RAB22A: variants seen among roughly 807,000 people sequenced by gnomAD.
The protein encoded by RAB22A is RAB22A, member RAS oncogene family.
A neutral mutation model predicts 30.2 loss-of-function variants in RAB22A; 13 were observed. That is an observed-to-expected ratio of 0.43 (90% CI 0.28 to 0.68). The LOEUF is 0.68. Ranked by LOEUF, RAB22A falls within the 30% of genes least tolerant of loss-of-function variation. RAB22A has a pLI of 0.18. For missense variants in RAB22A, 177 were observed against 246.8 expected (o/e 0.72, Z 1.89); for synonymous variants, 89 against 87.2 (o/e 1.02, Z -0.11).
intron 2 of RAB22A, among the ~76,000 whole-genome samples, chr20:58,312,472 C>CTTGTT (rs1986247617): frequency 2.6e-5 from 1 of 38,710 alleles, no homozygotes; most frequent in Non-Finnish European, 4.4e-5. Flanking sequence ...GGCTGGTTTT[C>CTTGTT]TTTTTTTTTT....
chr20:58,359,138 A>C (rs1987181590), intron 6 of RAB22A, among the ~76,000 whole-genome samples: 1 of 152,250 alleles, frequency 6.6e-6, no homozygotes, highest in African/African-American at 2.4e-5. Flanking sequence ...GTCATGAGAC[A>C]GAGGGACAAC....
rs1412813702 is a variant in RAB22A, at chr20:58,309,754, G to T, written c.-223G>T. ...GCGTCCCAAGATGGCGGCGGCGGCG[G>T]CTCCCGGAAGGCCGCGGCGGCGTCC... On this transcript the variant is annotated 5_prime_UTR_variant, in exon 1 of 7. Transcript: ENST00000244040. 1.4e-5 allele frequency: 4 copies of T among 283,076 alleles called. No individual in the cohort carries two copies. Among genetic ancestry groups the T allele is most frequent in the Non-Finnish European group, 1.9e-5 (3 of 155,912 alleles). 17.5% of individuals were successfully genotyped at this position (283,076 alleles called of 1,614,324 possible). A position where few individuals can be genotyped will look rare whatever the true frequency, so the allele number is the denominator to read the frequency against.
chr20:58,347,371 A>G (rs76617572), intron 3 of RAB22A, among the ~76,000 whole-genome samples: 3,871 of 152,344 alleles, frequency 0.025, 63 homozygotes, highest in African/African-American at 0.045. Flanking sequence ...ACTTAAATGA[A>G]GAGGAAAAAT....
chr20:58,311,553 A>G (rs1004826238), intron 2 of RAB22A, among the ~76,000 whole-genome samples: 2 of 152,256 alleles, frequency 1.3e-5, no homozygotes, highest in Non-Finnish European at 2.9e-5. Context: ...TACTGGTAGT[A>G]ATAATAAATT....
rs1335171086 is a variant in RAB22A at position 58,361,225 on chromosome 20, C to G, written c.*1522C>G. 1.3e-5 allele frequency: 2 copies of G among 152,570 alleles called. No individual in the cohort carries two copies. The highest frequency in any genetic ancestry group is 1.9e-4 in the East Asian group (1 of 5,192). The allele number at this position is 152,570 out of a possible 1,614,324, so 9.5% of individuals were successfully genotyped here. ...CAAGATTTAATAGGAAATGAAACAG[C>G]TTGAATTTCAAACTAAATTGTATTT... On this transcript the variant is annotated 3_prime_UTR_variant, in exon 7 of 7. Coordinates refer to ENST00000244040, the MANE Select transcript of RAB22A (RefSeq NM_020673.3).
intron 2 of RAB22A, among the ~76,000 whole-genome samples, chr20:58,332,797 C>T (rs1018434963): frequency 6.6e-6 from 1 of 152,016 alleles, no homozygotes; most frequent in African/African-American, 2.4e-5. Flanking sequence ...CACAACTCCA[C>T]AGTCTAGGTA....
At chr20:58,315,560 G>GC (rs1555852373) in intron 2 of RAB22A, among the ~76,000 whole-genome samples, 1 of 58,878 alleles carries the variant, frequency 1.7e-5, no homozygotes, top group East Asian at 9.6e-4. Flanking sequence ...GGAGGTTGGG[G>GC]CGGGGGGTCA....
At position 58,338,052 on chromosome 20, in the gene RAB22A, A is replaced by C. The variant is rs186777083; in HGVS notation, c.117-5666A>C. 1.7e-4 allele frequency among the ~76,000 whole-genome samples: 25 copies of C among 151,440 alleles called. No homozygotes were observed. The East Asian group carries it at 4.8e-3, about 29-fold the overall frequency. ...TTTTTTTTATTTTTTTTTGAGACGG[A>C]TCTCGCTCTTGTCGCCCAGACTGGA... On this transcript the variant is annotated intron_variant, in intron 2 of 6. Transcript: ENST00000244040.
Position 58,359,837 on chromosome 20 carries a change from G to T in RAB22A, c.*134G>T, listed in dbSNP as rs2122974996. ...CCGTGCAAAAAGGATTCACAGAAAT[G>T]GACCAGTTCTGTTCTCCAAAGACTG... is the stretch of plus-strand genomic sequence containing the variant. On this transcript the variant is annotated 3_prime_UTR_variant, in exon 7 of 7. Transcript: ENST00000244040. 1.5e-6 allele frequency: 1 copy of T among 670,030 alleles called. No individual in the cohort carries two copies. 41.5% of individuals were successfully genotyped at this position (670,030 alleles called of 1,614,324 possible). A position where few individuals can be genotyped will look rare whatever the true frequency, so the allele number is the denominator to read the frequency against.
chr20:58,321,165 T>C lies in RAB22A; in HGVS notation c.116+10043T>C, dbSNP rs187211704. Reference sequence around the variant, plus strand: ...GAGACTGCGCCACTGCCCTCCAGCCTGGTGACAGAGCAAGACTCCATCTCA... The same window carrying C: ...GAGACTGCGCCACTGCCCTCCAGCCCGGTGACAGAGCAAGACTCCATCTCA... On this transcript the variant is annotated intron_variant, in intron 2 of 6. Coordinates refer to ENST00000244040, the MANE Select transcript of RAB22A (RefSeq NM_020673.3). Among the ~76,000 whole-genome samples, 435 of 146,886 alleles carry C rather than the reference T, an allele frequency of 3.0e-3. 4 individuals carry two copies. The highest frequency in any genetic ancestry group is 3.6e-3 in the Non-Finnish European group (239 of 67,124).
chr20:58,357,451 T>G (rs977407571), intron 6 of RAB22A, among the ~76,000 whole-genome samples: 1 of 152,252 alleles, frequency 6.6e-6, no homozygotes, highest in African/African-American at 2.4e-5. Flanking sequence ...ATTGAAGTTT[T>G]TAATCTTCAT....
At chr20:58,341,109 T>C (rs1986846933) in intron 2 of RAB22A, among the ~76,000 whole-genome samples, 1 of 152,116 alleles carries the variant, frequency 6.6e-6, no homozygotes, top group Non-Finnish European at 1.5e-5. Flanking sequence ...TGAGTGGAAA[T>C]TCGTCTGTTC....
At chr20:58,358,029 G>C (rs1219002098) in intron 6 of RAB22A, among the ~76,000 whole-genome samples, 2 of 152,210 alleles carry the variant, frequency 1.3e-5, no homozygotes, top group African/African-American at 2.4e-5. Context: ...TAATGTGAGG[G>C]AGATAGTCAT....
chr20:58,315,709 A>G (rs1277777183), intron 2 of RAB22A, among the ~76,000 whole-genome samples: 3 of 151,420 alleles, frequency 2.0e-5, no homozygotes, highest in Non-Finnish European at 2.9e-5. Context: ...CCCCCAGCCC[A>G]ATCCCCAAAC....
chr20:58,315,458 A>C (rs958750034), intron 2 of RAB22A, among the ~76,000 whole-genome samples: 1 of 152,122 alleles, frequency 6.6e-6, no homozygotes, highest in African/African-American at 2.4e-5. Context: ...GGGGAAGAGC[A>C]TGGGCCTTGA....
At chr20:58,339,291 G>T (rs1986816824) in intron 2 of RAB22A, among the ~76,000 whole-genome samples, 1 of 152,250 alleles carries the variant, frequency 6.6e-6, no homozygotes, top group African/African-American at 2.4e-5. Flanking sequence ...CCTAAGCAGA[G>T]TGAAGAGAGA....
At position 58,367,198 on chromosome 20, in the gene RAB22A, C is replaced by G. The variant is rs1259203135; in HGVS notation, c.*7495C>G. 1 of 152,262 alleles carries G rather than the reference C, an allele frequency of 6.6e-6. No individual in the cohort carries two copies. The highest frequency in any genetic ancestry group is 6.5e-5 in the Admixed American group (1 of 15,270). The allele number at this position is 152,262 out of a possible 1,614,324, so 9.4% of individuals were successfully genotyped here. On this transcript the variant is annotated 3_prime_UTR_variant, in exon 7 of 7. Transcript: ENST00000244040. ...CCAAGCTTCTGTGGATGTTTGAAGACTTTATTTTTGCAGTCTTAACCTTGG... is the reference window on the plus strand; with the variant it reads ...CCAAGCTTCTGTGGATGTTTGAAGAGTTTATTTTTGCAGTCTTAACCTTGG...
At chr20:58,346,922 G>A (rs1986959576) in intron 3 of RAB22A, among the ~76,000 whole-genome samples, 1 of 152,138 alleles carries the variant, frequency 6.6e-6, no homozygotes, top group Non-Finnish European at 1.5e-5. Context: ...GCTCCTTGAG[G>A]GCAAGGACTG....
chr20:58,363,278 C>G lies in RAB22A; in HGVS notation c.*3575C>G, dbSNP rs1987259588. 6.6e-6 allele frequency: 1 copy of G among 152,172 alleles called. No homozygotes were observed. The highest frequency in any genetic ancestry group is 2.4e-5 in the African/African-American group (1 of 41,456). 9.4% of individuals were successfully genotyped at this position (152,172 alleles called of 1,614,324 possible). A position where few individuals can be genotyped will look rare whatever the true frequency, so the allele number is the denominator to read the frequency against. On this transcript the variant is annotated 3_prime_UTR_variant, in exon 7 of 7. Transcript: ENST00000244040. ...TACAGAATTCTTTTTGGTACTTTCACTTATTCTTTCAGAATACATCAAGGA... is the reference window on the plus strand; with the variant it reads ...TACAGAATTCTTTTTGGTACTTTCAGTTATTCTTTCAGAATACATCAAGGA...
Sources: allele counts gnomAD v4.1 joint callset (sites outside exome capture counted in the v4.1 genomes callset), GRCh38; gene constraint gnomAD v4.1.1; transcripts MANE v1.5; gene names NCBI Gene and HGNC (gene_info 2026-07-23, HGNC 2026-07-21).